ENTPD7: variants seen among roughly 807,000 people sequenced by gnomAD.
ENTPD7 encodes the protein NTPDase 7.
Under a neutral mutation model 77.9 loss-of-function variants are expected in ENTPD7, and 53 were observed. The ratio of observed to expected loss-of-function variants is 0.68; its 90% CI spans 0.55 to 0.85. The LOEUF (loss-of-function observed/expected upper bound fraction) is 0.85, where lower values mean the gene tolerates loss of function less well. Ranked by LOEUF, ENTPD7 falls within the 40% of genes least tolerant of loss-of-function variation. The pLI is 0.00. For synonymous variants in ENTPD7, 248 were observed against 274.9 expected (o/e 0.90, Z 0.97); for missense variants, 636 against 743.7 (o/e 0.86, Z 1.68).
At chr10:99,674,828 T>C (rs1043893216) in intron 3 of ENTPD7, among the ~76,000 whole-genome samples, 1 of 152,230 alleles carries the variant, frequency 6.6e-6, no homozygotes, top group Non-Finnish European at 1.5e-5. Flanking sequence ...AATGCCTTAG[T>C]GCAAATCAAG....
intron 3 of ENTPD7, among the ~76,000 whole-genome samples, chr10:99,677,603 G>T (rs1329457375): frequency 6.6e-6 from 1 of 152,166 alleles, no homozygotes; most frequent in East Asian, 1.9e-4. Flanking sequence ...GATCTCAGGT[G>T]ATCTGCCCAC....
intron 12 of ENTPD7, among the ~76,000 whole-genome samples, chr10:99,703,289 G>T (rs572018122): frequency 2.0e-5 from 3 of 152,250 alleles, no homozygotes; most frequent in Admixed American, 2.0e-4. Flanking sequence ...GATGAATTTT[G>T]TATCTTTGAT....
At chr10:99,702,859 C>G (rs926836575) in intron 12 of ENTPD7, among the ~76,000 whole-genome samples, 186 bp downstream of exon 12, 14 of 152,126 alleles carry the variant, frequency 9.2e-5, no homozygotes, top group African/African-American at 3.4e-4. Flanking sequence ...CAGGCATGCT[C>G]GAACAGAAAG....
intron 3 of ENTPD7, among the ~76,000 whole-genome samples, chr10:99,675,244 T>G (rs2035665406): frequency 6.6e-6 from 1 of 152,212 alleles, no homozygotes; most frequent in African/African-American, 2.4e-5. Flanking sequence ...TTTGGAAAAC[T>G]GTATCTGCCA....
At chr10:99,697,898 T>C (rs185517266) in intron 9 of ENTPD7, 1 of 154,074 alleles carries the variant, frequency 6.5e-6, no homozygotes, top group Admixed American at 6.4e-5. Flanking sequence ...AATGAGAATA[T>C]GGTTGCTAGG....
chr10:99,695,885 T>G, intron 8 of ENTPD7, 71 bp from the exon 9 acceptor site: 1 of 1,436,872 alleles, frequency 7.0e-7, no homozygotes, highest in Non-Finnish European at 9.5e-7. Context: ...CCTCGTGTAT[T>G]AGCAATGTCA....
chr10:99,695,441 G>A (rs192788146), intron 8 of ENTPD7, among the ~76,000 whole-genome samples: 77 of 152,046 alleles, frequency 5.1e-4, no homozygotes, highest in South Asian at 8.3e-4. Context: ...AGAATTGCTT[G>A]AACCCGGGAG....
intron 8 of ENTPD7, 80 bp downstream of exon 8, chr10:99,691,598 C>T (rs1472910051): frequency 1.6e-5 from 23 of 1,479,776 alleles, no homozygotes; most frequent in Non-Finnish European, 2.1e-5. Flanking sequence ...GGACTTAGAC[C>T]AACCTACCTG....
Position 99,698,334 on chromosome 10 carries a change from A to G in ENTPD7, c.1011-200A>G, listed in dbSNP as rs942513354. Among the ~76,000 whole-genome samples the G allele has an allele frequency of 2.6e-5, 4 of 152,324 alleles. No individual in the cohort carries two copies. In the South Asian group the frequency reaches 6.2e-4, roughly 24 times the overall value. The stretch of plus-strand genomic sequence containing the variant: ...ACTAAAATGTCGAACAGAATTGATC[A>G]CCATATTCCTCTCTTTTTTTTCTAA... On this transcript the variant is annotated intron_variant, in intron 9 of 12. Transcript: ENST00000370489.
Position 99,704,849 on chromosome 10 carries a change from TTC to T in ENTPD7, c.*170_*171del, listed in dbSNP as rs755615795. ...GTAATTCCTTCTCCGTACCCAGGTC[TTC>T]TCTGAGAGAAGCTATAATTTAATCT... On this transcript the variant is annotated 3_prime_UTR_variant, in exon 13 of 13. Transcript: ENST00000370489. 6 of 650,720 alleles carry T rather than the reference TTC, an allele frequency of 9.2e-6. No homozygotes were observed. Among genetic ancestry groups the T allele is most frequent in the Non-Finnish European group, 1.6e-5 (6 of 382,368 alleles). 40.3% of individuals were successfully genotyped at this position (650,720 alleles called of 1,614,324 possible). A position where few individuals can be genotyped will look rare whatever the true frequency, so the allele number is the denominator to read the frequency against.
chr10:99,707,422 T>TA lies in ENTPD7; in HGVS notation c.*2742dup, dbSNP rs1438379195. Among the ~76,000 whole-genome samples the TA allele has an allele frequency of 6.6e-6, 1 of 152,250 alleles. No individual in the cohort carries two copies. Among genetic ancestry groups the TA allele is most frequent in the Non-Finnish European group, 1.5e-5 (1 of 68,028 alleles). ...TACTCCTTGCTGAGAGCCAATTACT[T>TA]AAATATATTTCTTCCTTATAATAAA... is the stretch of plus-strand genomic sequence containing the variant. On this transcript the variant is annotated 3_prime_UTR_variant, in exon 13 of 13. Transcript: ENST00000370489.
intron 8 of ENTPD7, among the ~76,000 whole-genome samples, chr10:99,692,178 C>T (rs907313598): frequency 2.6e-5 from 4 of 152,222 alleles, no homozygotes; most frequent in Non-Finnish European, 4.4e-5. Context: ...GAGACTGTAG[C>T]AGTGCTTAAC....
At position 99,664,450 on chromosome 10, in the gene ENTPD7, C is replaced by CT. The variant is rs1209558702; in HGVS notation, c.191+2839dup. On this transcript the variant is annotated intron_variant, in intron 3 of 12. Transcript: ENST00000370489. ...CTCATTTTTAAAATATTTACATTTT[C>CT]TTTTTTTTTTTTTTTTTGAGACAGA... 5.8e-3 allele frequency among the ~76,000 whole-genome samples: 760 copies of CT among 131,274 alleles called. 5 individuals are homozygous for CT. The highest frequency in any genetic ancestry group is 0.012 in the African/African-American group (433 of 35,986). 86.1% of individuals were successfully genotyped at this position (131,274 alleles called of 152,430 possible).
chr10:99,691,220 C>T (rs763022800), intron 7 of ENTPD7, among the ~76,000 whole-genome samples, 165 bp from the exon 8 acceptor site: 10 of 152,046 alleles, frequency 6.6e-5, no homozygotes, highest in Non-Finnish European at 1.5e-4. Context: ...TTGAACTCCT[C>T]GGCTCACATA....
At chr10:99,686,439 T>C (rs930785793) in intron 6 of ENTPD7, among the ~76,000 whole-genome samples, 4 of 152,136 alleles carry the variant, frequency 2.6e-5, no homozygotes, top group Non-Finnish European at 2.9e-5. Context: ...GTTTGATGAA[T>C]TATATTTCCA....
At chr10:99,700,393 C>CGTGTGTGT (rs1274032554) in intron 10 of ENTPD7, among the ~76,000 whole-genome samples, 9 of 103,648 alleles carry the variant, frequency 8.7e-5, no homozygotes, top group African/African-American at 3.8e-4. Context: ...TCCAACGTAC[C>CGTGTGTGT]GTGTGTGTGT....
rs765222812 is a variant in ENTPD7 at position 99,702,692 on chromosome 10, A to G, written c.1583+19A>G. 6.9e-6 allele frequency: 11 copies of G among 1,590,600 alleles called. No homozygotes were observed. The highest frequency in any genetic ancestry group is 1.4e-5 in the African/African-American group (1 of 73,756). On this transcript the variant is annotated intron_variant, in intron 12 of 12. Transcript: ENST00000370489. ...CACTCAGGTAAAGTAAGACTGACCA[A>G]TCTGGTATCTTGAGCTCAGAGGATA... is the stretch of plus-strand genomic sequence containing the variant.
rs552911739 is a variant in ENTPD7, at chr10:99,685,460, G to T, written c.549-332G>T. 3.3e-4 allele frequency among the ~76,000 whole-genome samples: 51 copies of T among 152,266 alleles called. 1 individual carries two copies. Among genetic ancestry groups the T allele is most frequent in the African/African-American group, 1.2e-3 (48 of 41,542 alleles). ...TCAATTTTATAGTTTATGCAACTTG[G>T]CTGCAGTTTCCTGTGGCTTGTTTGT... is the stretch of plus-strand genomic sequence containing the variant. On this transcript the variant is annotated intron_variant, in intron 5 of 12. Coordinates refer to ENST00000370489, the MANE Select transcript of ENTPD7 (RefSeq NM_020354.5).
intron 8 of ENTPD7, among the ~76,000 whole-genome samples, chr10:99,693,773 C>A (rs2035920991): frequency 2.0e-5 from 3 of 152,060 alleles, no homozygotes; most frequent in Admixed American, 1.3e-4. Flanking sequence ...CAAAAATTAG[C>A]TGGGCAGGGT....
Sources: allele counts gnomAD v4.1 joint callset (sites outside exome capture counted in the v4.1 genomes callset), GRCh38; gene constraint gnomAD v4.1.1; transcripts MANE v1.5; gene names NCBI Gene and HGNC (gene_info 2026-07-23, HGNC 2026-07-21).